The following AFF1 variants were observed in gnomAD, a reference collection of about 807,000 sequenced individuals.
AFF1 encodes AF4/FMR2 family member 1.
AFF1 carries 48 observed loss-of-function variants against 121.7 expected under a neutral mutation model. That is an observed-to-expected ratio of 0.39 (90% CI 0.31 to 0.50). The LOEUF is 0.50. AFF1 is among the 20% of genes least tolerant of loss of function. AFF1 has a pLI of 0.76. For missense variants in AFF1, 1,523 were observed against 1,511.7 expected (o/e 1.01, Z -0.12); for synonymous variants, 613 against 563.0 (o/e 1.09, Z -1.26).
chr4:86,996,517 T>G (rs981733078), intron 2 of AFF1, among the ~76,000 whole-genome samples: 1 of 151,556 alleles, frequency 6.6e-6, no homozygotes, highest in East Asian at 1.9e-4. Flanking sequence ...AAACAGATGC[T>G]TGAAGGCAGC....
intron 2 of AFF1, among the ~76,000 whole-genome samples, chr4:87,022,738 G>C (rs7683612): frequency 6.8e-6 from 1 of 146,104 alleles, no homozygotes; most frequent in Non-Finnish European, 1.5e-5. Context: ...ATATATATCT[G>C]TGTGTGTGTA....
At chr4:87,095,051 C>A in intron 8 of AFF1, 82 bp downstream of exon 8, 1 of 1,337,866 alleles carries the variant, frequency 7.5e-7, no homozygotes, top group South Asian at 1.2e-5. Flanking sequence ...TTAGATTTTT[C>A]TGCCTTTATG....
At chr4:86,936,081 A>C (rs1169780953) in intron 1 of AFF1, 1 of 152,128 alleles carries the variant, frequency 6.6e-6, no homozygotes, top group Non-Finnish European at 1.5e-5. Context: ...GAGCTTCTCC[A>C]CCACCAGCAC....
intron 4 of AFF1, among the ~76,000 whole-genome samples, chr4:87,073,314 AGC>A (rs1184110261): frequency 2.7e-5 from 3 of 109,840 alleles, no homozygotes; most frequent in African/African-American, 1.0e-4. Context: ...AAAAAAAAAA[AGC>A]GGGGGCGGAG....
Position 87,108,292 on chromosome 4 carries a change from C to A in AFF1, c.1510C>A (p.Pro504Thr), listed in dbSNP as rs1362709798. 3 of 1,613,484 alleles carry A rather than the reference C, an allele frequency of 1.9e-6. No individual in the cohort carries two copies. The highest frequency in any genetic ancestry group is 1.7e-6 in the Non-Finnish European group (2 of 1,179,916). ...TTCAAGTGACAGCGAAGAAAATGAG[C>A]CCCTAGAAACCCCAGCTCCGGAGGT... is the stretch of plus-strand genomic sequence containing the variant. The part of the protein sequence containing the change: ...SSSSDSEENE[P>T]LETPAPEPEP... The change falls in exon 11 of 21, where the codon CCC becomes ACC. Residue 504 changes from proline to threonine, a missense_variant. By Grantham distance (38) the Pro-to-Thr change is conservative (BLOSUM62 -1). Around this residue, in one of 5 missense-constraint regions of AFF1, gnomAD observed 905 missense variants for 842.5 expected, o/e 1.07. Transcript: ENST00000395146.
intron 16 of AFF1, among the ~76,000 whole-genome samples, chr4:87,130,369 G>A (rs1728716164): frequency 2.0e-5 from 3 of 152,120 alleles, no homozygotes; most frequent in African/African-American, 4.8e-5. Context: ...CAGTACATAC[G>A]CCACATGTAG....
chr4:87,055,918 A>G (rs1390543892), intron 4 of AFF1, among the ~76,000 whole-genome samples: 2 of 152,218 alleles, frequency 1.3e-5, no homozygotes, highest in African/African-American at 2.4e-5. Flanking sequence ...CACATTTCCC[A>G]AGAACTCTAT....
At chr4:86,967,320 GA>G (rs1221952284) in intron 2 of AFF1, among the ~76,000 whole-genome samples, 1 of 152,018 alleles carries the variant, frequency 6.6e-6, no homozygotes, top group Non-Finnish European at 1.5e-5. Flanking sequence ...TGGGCGAAAA[GA>G]AAAAACAAAA....
At chr4:87,092,617 A>G (rs1290832200) in intron 7 of AFF1, among the ~76,000 whole-genome samples, 6 of 152,072 alleles carry the variant, frequency 3.9e-5, no homozygotes, top group Non-Finnish European at 5.9e-5. Flanking sequence ...GCACCCATTT[A>G]TCTAGTATTC....
intron 4 of AFF1, among the ~76,000 whole-genome samples, chr4:87,052,728 G>A (rs567764894): frequency 6.2e-4 from 94 of 152,012 alleles, no homozygotes; most frequent in Admixed American, 2.2e-3. Flanking sequence ...GATAGGAAAT[G>A]ATAGTGGCTT....
At position 87,137,188 on chromosome 4, in the gene AFF1, C is replaced by G. The variant is rs3755979; in HGVS notation, c.*1487C>G. The G allele has an allele frequency of 0.16, 36,585 of 227,674 alleles. 3,467 individuals carry two copies. Among genetic ancestry groups the G allele is most frequent in the South Asian group, 0.25 (1,375 of 5,476 alleles). 14.1% of individuals were successfully genotyped at this position (227,674 alleles called of 1,614,324 possible). On this transcript the variant is annotated 3_prime_UTR_variant, in exon 21 of 21. Coordinates refer to ENST00000395146, the MANE Select transcript of AFF1 (RefSeq NM_001166693.3). ...CCCTTTTAGAAGTAGAATTTGCACA[C>G]TTACTACAATTGAGGAGTGTCATCT...
In AFF1 at chr4:87,046,438, A is replaced by G. The variant is rs553138300; in HGVS notation, c.159+152A>G. Reference sequence around the variant, plus strand: ...CTTATTCTAGAGATTTTTGAAAACAAAGTATGAAAATTCTCTGAAGGTTGT... The same window carrying G: ...CTTATTCTAGAGATTTTTGAAAACAGAGTATGAAAATTCTCTGAAGGTTGT... On this transcript the variant is annotated intron_variant, in intron 3 of 20. Transcript: ENST00000395146. 6.1e-4 allele frequency: 779 copies of G among 1,286,510 alleles called. 1 individual carries two copies. Among genetic ancestry groups the G allele is most frequent in the South Asian group, 7.5e-4 (49 of 65,012 alleles). The allele number at this position is 1,286,510 out of a possible 1,614,324, so 79.7% of individuals were successfully genotyped here.
chr4:86,985,189 A>ATATATATATATATG (rs1724128115), intron 2 of AFF1, among the ~76,000 whole-genome samples: 2 of 101,540 alleles, frequency 2.0e-5, no homozygotes, highest in South Asian at 5.0e-4. Context: ...TACTATATAT[A>ATATATATATATATG]TATATATATA....
intron 4 of AFF1, among the ~76,000 whole-genome samples, chr4:87,065,349 G>A (rs1394844804): frequency 2.0e-5 from 3 of 152,036 alleles, no homozygotes; most frequent in South Asian, 2.1e-4. Context: ...CCCCATGATC[G>A]AATTACCTCC....
intron 4 of AFF1, among the ~76,000 whole-genome samples, chr4:87,054,569 C>G (rs1719899045): frequency 6.6e-6 from 1 of 152,174 alleles, no homozygotes; most frequent in Non-Finnish European, 1.5e-5. Flanking sequence ...TAAGCTCGAC[C>G]TCAGTGAGCC....
chr4:87,108,902 C>T (rs1279984924), intron 11 of AFF1, among the ~76,000 whole-genome samples: 1 of 152,050 alleles, frequency 6.6e-6, no homozygotes, highest in Non-Finnish European at 1.5e-5. Context: ...TGCTTGTCAC[C>T]CACCCTCAGG....
intron 2 of AFF1, among the ~76,000 whole-genome samples, chr4:86,985,207 A>C (rs1177320015): frequency 2.9e-5 from 4 of 135,736 alleles, no homozygotes; most frequent in Non-Finnish European, 4.7e-5. Context: ...ATATATATAT[A>C]TATATATAAA....
intron 2 of AFF1, among the ~76,000 whole-genome samples, chr4:86,961,591 G>A (rs1054551262): frequency 2.0e-5 from 3 of 151,588 alleles, no homozygotes; most frequent in African/African-American, 4.9e-5. Context: ...TGGGAAGGGG[G>A]GGCTGAGTGA....
intron 2 of AFF1, among the ~76,000 whole-genome samples, chr4:86,963,207 G>T (rs754641155): frequency 1.4e-5 from 2 of 144,132 alleles, no homozygotes; most frequent in Non-Finnish European, 3.0e-5. Flanking sequence ...ATAACTATGT[G>T]TAAAGAAACT....
Sources: gnomAD v4.1 joint callset for allele counts (sites outside exome capture counted in the v4.1 genomes callset) on GRCh38, gnomAD v4.1.1 for gene constraint, gnomAD v4.1.1 regional missense constraint, MANE v1.5 for transcripts, NCBI Gene and HGNC (gene_info 2026-07-23, HGNC 2026-07-21) for gene names.